SPPL2B: variants seen among roughly 807,000 people sequenced by gnomAD.
SPPL2B encodes the protein signal peptide peptidase like 2B.
In SPPL2B, 39 loss-of-function variants were observed where a neutral mutation model predicts 59.7. The ratio of observed to expected loss-of-function variants is 0.65; its 90% CI spans 0.51 to 0.85. SPPL2B has a LOEUF of 0.85. Among genes scored for constraint, SPPL2B ranks in the 40% least tolerant of loss-of-function variants. The pLI is 0.00. For missense variants in SPPL2B, 865 were observed against 849.0 expected (o/e 1.02, Z -0.23); for synonymous variants, 419 against 370.8 (o/e 1.13, Z -1.49).
At chr19:2,345,175 G>A in intron 12 of SPPL2B, 78 bp from the exon 13 acceptor site, 1 of 1,286,074 alleles carries the variant, frequency 7.8e-7, no homozygotes. Flanking sequence ...AGGTGCTCAG[G>A]TGCCCGCCCG....
chr19:2,352,185 C>T (rs1027373299), intron 14 of SPPL2B, among the ~76,000 whole-genome samples: 4 of 151,922 alleles, frequency 2.6e-5, no homozygotes, highest in African/African-American at 7.2e-5. Flanking sequence ...GTGGGTGGGA[C>T]CCCCCCTTCC....
chr19:2,336,515 AGTGT>A (rs754183705), intron 2 of SPPL2B, among the ~76,000 whole-genome samples: 6 of 150,206 alleles, frequency 4.0e-5, no homozygotes, highest in Non-Finnish European at 7.4e-5. Flanking sequence ...TGTGCGTGTG[AGTGT>A]GTGAGTTCAT....
chr19:2,351,339 C>T, intron 13 of SPPL2B, 95 bp from the exon 14 acceptor site: 1 of 1,030,114 alleles, frequency 9.7e-7, no homozygotes, highest in Non-Finnish European at 1.4e-6. Flanking sequence ...ACACCCCTGC[C>T]CTCCACCAAC....
rs1222173532 is a variant in SPPL2B, at chr19:2,339,983, G to C, written c.742+17G>C. 1 of 1,552,170 alleles carries C rather than the reference G, an allele frequency of 6.4e-7. No individual in the cohort carries two copies. The highest frequency in any genetic ancestry group is 8.7e-7 in the Non-Finnish European group (1 of 1,147,164). On this transcript the variant is annotated intron_variant, in intron 6 of 14. Transcript: ENST00000613503. ...ATCTCCTCGGTGCGCGGCCCCGGGC[G>C]GGTGGGCCGCGGCGTGGAGATGCAG...
At chr19:2,339,763 T>C in intron 5 of SPPL2B, 61 bp from the exon 6 acceptor site, 1 of 1,563,656 alleles carries the variant, frequency 6.4e-7, no homozygotes. Context: ...GGCTGTGGGC[T>C]CCCGAGCCCC....
Position 2,345,247 on chromosome 19 carries a change from C to T in SPPL2B, c.1277-6C>T. The T allele has an allele frequency of 6.2e-7, 1 of 1,612,426 alleles. No homozygotes were observed. Among genetic ancestry groups the T allele is most frequent in the Non-Finnish European group, 8.5e-7 (1 of 1,179,296 alleles). On this transcript the variant is annotated splice_region_variant and splice_polypyrimidine_tract_variant and intron_variant, in intron 12 of 14. Transcript: ENST00000613503. Reference sequence around the variant, plus strand: ...CGAGTAAGCCTCCGCCCTGTGCCTCCCCCAGGGCTGCTGGTGGCCTACTGC... The same window carrying T: ...CGAGTAAGCCTCCGCCCTGTGCCTCTCCCAGGGCTGCTGGTGGCCTACTGC...
At chr19:2,346,776 G>A (rs1209072181) in intron 13 of SPPL2B, among the ~76,000 whole-genome samples, 8 of 152,192 alleles carry the variant, frequency 5.3e-5, no homozygotes, top group African/African-American at 1.2e-4. Context: ...GACTGAAGCC[G>A]CTGAGGCTTT....
At chr19:2,338,705 C>A (rs1196634231) in intron 3 of SPPL2B, 47 bp from the exon 4 acceptor site, 1 of 1,370,212 alleles carries the variant, frequency 7.3e-7, no homozygotes, top group African/African-American at 1.4e-5. Context: ...TGGGGGCCCA[C>A]CCACTGCTGC....
intron 13 of SPPL2B, among the ~76,000 whole-genome samples, chr19:2,347,959 G>A (rs1443298183): frequency 2.6e-5 from 1 of 38,392 alleles, no homozygotes; most frequent in Non-Finnish European, 5.2e-5. Context: ...GCTCTCATTC[G>A]CTTGATGCGG....
In SPPL2B at chr19:2,328,764, C is replaced by T. The variant is rs1968119054; in HGVS notation, c.55C>T (p.Leu19Phe). The T allele has an allele frequency of 6.8e-7, 1 of 1,460,078 alleles. No homozygotes were observed. The highest frequency in any genetic ancestry group is 9.0e-7 in the Non-Finnish European group (1 of 1,114,512). 90.4% of individuals were successfully genotyped at this position (1,460,078 alleles called of 1,614,324 possible). A position where few individuals can be genotyped will look rare whatever the true frequency, so the allele number is the denominator to read the frequency against. ...LARLLAAFLL[L>F]AAQVACEYGM... ...GCGGCTTTTGGCGGCCTTTCTGCTC[C>T]TCGCGGCCCAGGTGAGCGCGGCACC... Residue 19 changes from leucine to phenylalanine, a missense_variant, in exon 1 of 15, where the codon CTC becomes TTC. Transcript: ENST00000613503.
At chr19:2,352,747 G>T (rs886177770) in intron 14 of SPPL2B, among the ~76,000 whole-genome samples, 199 bp from the exon 15 acceptor site, 2 of 152,154 alleles carry the variant, frequency 1.3e-5, no homozygotes, top group Non-Finnish European at 2.9e-5. Context: ...GCCCTCCCGC[G>T]GCACCTGTGC....
intron 13 of SPPL2B, among the ~76,000 whole-genome samples, chr19:2,350,812 C>G (rs557681153): frequency 6.6e-6 from 1 of 152,254 alleles, no homozygotes; most frequent in African/African-American, 2.4e-5. Flanking sequence ...GGGACATGAG[C>G]AAGGGGGTCC....
intron 13 of SPPL2B, among the ~76,000 whole-genome samples, chr19:2,345,839 G>A (rs532198650): frequency 3.7e-5 from 4 of 108,216 alleles, no homozygotes; most frequent in South Asian, 6.4e-4. Flanking sequence ...CTCCGTCCCT[G>A]TCTTTCTCAT....
intron 13 of SPPL2B, among the ~76,000 whole-genome samples, chr19:2,346,315 C>T (rs1969366622): frequency 6.6e-6 from 1 of 152,260 alleles, no homozygotes; most frequent in Non-Finnish European, 1.5e-5. Flanking sequence ...CCTGCAGCTG[C>T]AGGTGCCCCT....
chr19:2,340,106 C>T lies in SPPL2B; in HGVS notation c.773C>T (p.Ala258Val). ...GTGGTCATCGGGATCTTCTGCCTGG[C>T]CTCCGCCACCGGCCTCTACAGCTGC... is the stretch of plus-strand genomic sequence containing the variant. ...VYVVIGIFCL[A>V]SATGLYSCLA... The change falls in exon 7 of 15, where the codon GCC (alanine) becomes GTC (valine). Residue 258 changes from alanine (A) to valine (V), a missense_variant. Ala to Val is a moderately conservative substitution (Grantham distance 64). Transcript: ENST00000613503. 1.9e-6 allele frequency: 3 copies of T among 1,594,500 alleles called. No individual in the cohort carries two copies. The highest frequency in any genetic ancestry group is 2.6e-6 in the Non-Finnish European group (3 of 1,175,954).
intron 2 of SPPL2B, among the ~76,000 whole-genome samples, chr19:2,336,612 G>A (rs925197013): frequency 2.0e-5 from 3 of 151,874 alleles, no homozygotes; most frequent in African/African-American, 7.2e-5. Context: ...ATATGCACAC[G>A]TGTGCTGTGT....
chr19:2,341,631 A>G, intron 8 of SPPL2B: 1 of 455,892 alleles, frequency 2.2e-6, no homozygotes, highest in Non-Finnish European at 4.4e-6. Flanking sequence ...ACTTCCTCCC[A>G]GCCTTCCTGA....
Position 2,353,764 on chromosome 19 carries a change from G to A in SPPL2B, c.*555G>A, listed in dbSNP as rs1970055479. 6.4e-6 allele frequency: 1 copy of A among 155,320 alleles called. No homozygotes were observed. The highest frequency in any genetic ancestry group is 2.0e-4 in the South Asian group (1 of 4,996). The allele number at this position is 155,320 out of a possible 1,614,324, so 9.6% of individuals were successfully genotyped here. On this transcript the variant is annotated 3_prime_UTR_variant, in exon 15 of 15. Coordinates refer to ENST00000613503, the MANE Select transcript of SPPL2B (RefSeq NM_152988.3). The stretch of plus-strand genomic sequence containing the variant: ...GTGGCCGGGGCGGCCTCTGGCCCCT[G>A]ACGCTGGCTGAGACAGGCCCGTGGG...
chr19:2,344,779 G>A (rs989417375), intron 12 of SPPL2B, 127 bp downstream of exon 12: 20 of 684,240 alleles, frequency 2.9e-5, no homozygotes, highest in African/African-American at 2.8e-4. Context: ...GGTCAGAGTC[G>A]GGCAGGTTGG....
Sources: allele counts gnomAD v4.1 joint callset (sites outside exome capture counted in the v4.1 genomes callset), GRCh38; gene constraint gnomAD v4.1.1; transcripts MANE v1.5; gene names NCBI Gene and HGNC (gene_info 2026-07-23, HGNC 2026-07-21).